Variants in TEX14 observed in about 807,000 individuals in gnomAD.
The protein encoded by TEX14 is inactive serine/threonine-protein kinase TEX14.
TEX14 carries 168 observed loss-of-function variants against 178.6 expected under a neutral mutation model. The ratio of observed to expected loss-of-function variants is 0.94; its 90% CI spans 0.83 to 1.07. The LOEUF (loss-of-function observed/expected upper bound fraction) is 1.07. Among genes scored for constraint, TEX14 ranks in the 50% least tolerant of loss-of-function variants. The pLI is 0.00. For missense variants in TEX14, 1,730 were observed against 1,753.6 expected (o/e 0.99, Z 0.24); for synonymous variants, 626 against 634.1 (o/e 0.99, Z 0.19).
intron 25 of TEX14, among the ~76,000 whole-genome samples, chr17:58,570,012 A>G (rs145006412): frequency 5.9e-5 from 9 of 152,318 alleles, no homozygotes; most frequent in Admixed American, 1.3e-4. Flanking sequence ...AGAATGGACT[A>G]TAACTACTAC....
intron 1 of TEX14, among the ~76,000 whole-genome samples, chr17:58,652,593 C>T (rs1193244616): frequency 1.3e-5 from 2 of 152,104 alleles, no homozygotes; most frequent in Non-Finnish European, 2.9e-5. Context: ...ACCAAGTCTC[C>T]GGCATGTCTT....
At chr17:58,673,630 C>A (rs2047340568) in intron 1 of TEX14, among the ~76,000 whole-genome samples, 1 of 152,084 alleles carries the variant, frequency 6.6e-6, no homozygotes, top group South Asian at 2.1e-4. Flanking sequence ...CACGCAATTT[C>A]AGCTCACTGC....
At chr17:58,670,420 A>T (rs2047284248) in intron 1 of TEX14, among the ~76,000 whole-genome samples, 1 of 151,864 alleles carries the variant, frequency 6.6e-6, no homozygotes. Flanking sequence ...AACTTTGGGA[A>T]GATTAAAAAA....
intron 15 of TEX14, among the ~76,000 whole-genome samples, chr17:58,592,201 ATT>A (rs1414316446): frequency 1.3e-5 from 2 of 151,680 alleles, no homozygotes; most frequent in Non-Finnish European, 2.9e-5. Context: ...CACCAAATAA[ATT>A]TGTTTTACTT....
chr17:58,625,661 GAAGTTTAT>G (rs989073930), intron 3 of TEX14, among the ~76,000 whole-genome samples: 7 of 146,580 alleles, frequency 4.8e-5, no homozygotes, highest in African/African-American at 1.9e-4. Flanking sequence ...AGCCAACTCA[GAAGTTTAT>G]TTTATTTGGT....
At position 58,579,703 on chromosome 17, in the gene TEX14, T is replaced by C. The variant is rs1245930202; in HGVS notation, c.3200A>G (p.Glu1067Gly). 2 of 1,613,864 alleles carry C rather than the reference T, an allele frequency of 1.2e-6. No homozygotes were observed. Among genetic ancestry groups the C allele is most frequent in the Non-Finnish European group, 1.7e-6 (2 of 1,179,964 alleles). Residue 1067 changes from glutamate (E) to glycine (G), a missense_variant, in exon 20 of 32, where the codon GAA becomes GGA. Coordinates refer to ENST00000349033, the MANE Select transcript of TEX14 (RefSeq NM_031272.5). ...STSSPIEEDF[E>G]GIQGAFAQPQ... is the part of the protein sequence containing the mutation. ...TTGGGCAAATGCACCTTGTATTCCT[T>C]CAAAGTCCTCTTCTATGGGACTCGA...
Position 58,565,923 on chromosome 17 carries a change from A to T in TEX14, c.3887-99T>A, listed in dbSNP as rs553104650. ...CTCCAAGGGTGATCCTTAGACTTGC[A>T]GCATTAACATAACCCGGGAACTCGT... is the stretch of plus-strand genomic sequence containing the variant. On this transcript the variant is annotated intron_variant, in intron 26 of 31. Coordinates refer to ENST00000349033, the MANE Select transcript of TEX14 (RefSeq NM_031272.5). The T allele has an allele frequency of 4.6e-5, 42 of 903,710 alleles. No homozygotes were observed. The African/African-American group carries it at 6.4e-4, about 14-fold the overall frequency. 56.0% of individuals were successfully genotyped at this position (903,710 alleles called of 1,614,324 possible). A position where few individuals can be genotyped will look rare whatever the true frequency, so the allele number is the denominator to read the frequency against.
At chr17:58,604,511 T>C (rs1598378754) in intron 11 of TEX14, among the ~76,000 whole-genome samples, 1 of 151,064 alleles carries the variant, frequency 6.6e-6, no homozygotes, top group African/African-American at 2.4e-5. Context: ...ATTTTTTTAG[T>C]GTGGATTAAA....
chr17:58,602,730 G>C, intron 11 of TEX14, 140 bp from the exon 12 acceptor site: 1 of 637,258 alleles, frequency 1.6e-6, no homozygotes, highest in Non-Finnish European at 2.6e-6. Flanking sequence ...CTGTACTTTA[G>C]AAACAATTCA....
At chr17:58,685,956 C>T (rs1047120952) in intron 1 of TEX14, among the ~76,000 whole-genome samples, 16 of 148,418 alleles carry the variant, frequency 1.1e-4, no homozygotes, top group African/African-American at 4.0e-4. Flanking sequence ...GATCACACCA[C>T]CGCACTCCAG....
chr17:58,599,362 T>C lies in TEX14; in HGVS notation c.1983A>G (p.Glu661=). The change falls in exon 14 of 32, where the codon GAA becomes GAG. Residue 661 remains glutamate (E), a synonymous_variant. Transcript: ENST00000349033. ...CTCTCTCCATCTTATCCAGCTCTTC[T>C]TCCATGGATTTCAGTTCATCTACCT... ...PNQVDELKSM[E]EELDKMEREA... 1 of 1,614,174 alleles carries C rather than the reference T, an allele frequency of 6.2e-7. No individual in the cohort carries two copies. The highest frequency in any genetic ancestry group is 1.1e-5 in the South Asian group (1 of 91,084).
At position 58,622,867 on chromosome 17, in the gene TEX14, C is replaced by A; in HGVS notation, c.397G>T (p.Gly133Ter). Residue 133 changes from glycine to a stop codon, truncating the protein, a stop_gained, in exon 4 of 32, where the codon GGA becomes TGA. Coordinates refer to ENST00000349033, the MANE Select transcript of TEX14 (RefSeq NM_031272.5). LOFTEE classifies it high-confidence loss of function. ...QNPKTWALTA[G>*]KERSTQIVEF... ...CTTACCTGGGTGCTACGCTCCTTTC[C>A]TGCTGTCAAAGCCCAAGTCTTCGGG... is the stretch of plus-strand genomic sequence containing the variant. 6.2e-7 allele frequency: 1 copy of A among 1,610,492 alleles called. No individual in the cohort carries two copies. Among genetic ancestry groups the A allele is most frequent in the Non-Finnish European group, 8.5e-7 (1 of 1,177,386 alleles).
rs867264885 is a variant in TEX14, at chr17:58,674,071, C to G, written c.-2+17868G>C. Among the ~76,000 whole-genome samples, 10 of 152,200 alleles carry G rather than the reference C, an allele frequency of 6.6e-5. No homozygotes were observed. In the Middle Eastern group the frequency reaches 0.01, roughly 155 times the overall value. On this transcript the variant is annotated intron_variant, in intron 1 of 31. Transcript: ENST00000349033. ...GGCAGATTGCCTGAGATCAGGAGTT[C>G]AAGACCAGTCTGGCCAACATGGTGA...
chr17:58,666,458 C>CAA lies in TEX14; in HGVS notation c.-1-14458_-1-14457dup, dbSNP rs141683264. 1.1e-3 allele frequency: 40 copies of CAA among 36,832 alleles called. 2 individuals carry two copies. The highest frequency in any genetic ancestry group is 4.1e-3 in the African/African-American group (39 of 9,532). 2.3% of individuals were successfully genotyped at this position (36,832 alleles called of 1,614,324 possible). Reference sequence around the variant, plus strand: ...ACAAAGTGAAACAAACCTTCCACGGCAAAAAAAAAAAAAAAAAAAAAAAAA... The same window carrying CAA: ...ACAAAGTGAAACAAACCTTCCACGGCAAAAAAAAAAAAAAAAAAAAAAAAAAA... On this transcript the variant is annotated intron_variant, in intron 1 of 31. Transcript: ENST00000349033.
intron 3 of TEX14, among the ~76,000 whole-genome samples, chr17:58,623,969 T>C (rs768905995): frequency 1.3e-5 from 2 of 152,304 alleles, no homozygotes; most frequent in East Asian, 1.9e-4. Flanking sequence ...ATGTTCTATG[T>C]ATATACAAGT....
chr17:58,600,403 T>C (rs1396653298), intron 13 of TEX14, among the ~76,000 whole-genome samples: 2 of 151,584 alleles, frequency 1.3e-5, no homozygotes, highest in African/African-American at 4.9e-5. Context: ...CTCTACTAAA[T>C]ACAAAAAATT....
chr17:58,637,069 A>C (rs937594789), intron 2 of TEX14, among the ~76,000 whole-genome samples: 1 of 151,840 alleles, frequency 6.6e-6, no homozygotes, highest in Admixed American at 6.6e-5. Context: ...TCTACTAAAA[A>C]TACGAAAATT....
At chr17:58,641,037 G>T (rs1418152347) in intron 2 of TEX14, among the ~76,000 whole-genome samples, 2 of 152,094 alleles carry the variant, frequency 1.3e-5, no homozygotes, top group Non-Finnish European at 2.9e-5. Context: ...GGTTACTTTA[G>T]ATTTCAGAGG....
At chr17:58,672,840 T>C (rs2047326132) in intron 1 of TEX14, among the ~76,000 whole-genome samples, 1 of 152,042 alleles carries the variant, frequency 6.6e-6, no homozygotes, top group East Asian at 1.9e-4. Flanking sequence ...CAAGCGATTC[T>C]CCTGCTTCAG....
Sources: allele counts gnomAD v4.1 joint callset (sites outside exome capture counted in the v4.1 genomes callset), GRCh38; gene constraint gnomAD v4.1.1; transcripts MANE v1.5; gene names NCBI Gene and HGNC (gene_info 2026-07-23, HGNC 2026-07-21).